ANTXR1: variants seen among roughly 807,000 people sequenced by gnomAD.
The protein encoded by ANTXR1 is ANTXR cell adhesion molecule 1.
In ANTXR1, 19 loss-of-function variants were observed where a neutral mutation model predicts 78.1. That is an observed-to-expected ratio of 0.24 (90% CI 0.17 to 0.36). ANTXR1 has a LOEUF of 0.36. Among genes scored for constraint, ANTXR1 ranks in the 10% least tolerant of loss-of-function variants. The probability of loss-of-function intolerance (pLI) is 1.00; values close to 1 mark genes in which losing one functional copy is unlikely to be tolerated. For missense variants in ANTXR1, 518 were observed against 718.6 expected (o/e 0.72, Z 3.19); for synonymous variants, 273 against 260.5 (o/e 1.05, Z -0.46).
chr2:69,176,273 C>T (rs1034367125), intron 14 of ANTXR1, among the ~76,000 whole-genome samples: 8 of 151,996 alleles, frequency 5.3e-5, no homozygotes, highest in South Asian at 2.1e-4. Flanking sequence ...ACTTTGTTTA[C>T]GTAAACAGAT....
chr2:69,101,333 G>T (rs1420208251), intron 9 of ANTXR1, among the ~76,000 whole-genome samples: 2 of 152,204 alleles, frequency 1.3e-5, no homozygotes, highest in Non-Finnish European at 2.9e-5. Flanking sequence ...TGGTGGTTCA[G>T]AAGCTAATGG....
At chr2:69,116,101 T>A (rs1334420815) in intron 10 of ANTXR1, among the ~76,000 whole-genome samples, 2 of 152,244 alleles carry the variant, frequency 1.3e-5, no homozygotes, top group Admixed American at 6.5e-5. Flanking sequence ...TTTCAAAATC[T>A]CTTTTTCTAG....
Position 69,102,831 on chromosome 2 carries a change from C to A in ANTXR1, c.704-11C>A. On this transcript the variant is annotated splice_polypyrimidine_tract_variant and intron_variant, in intron 9 of 17. Transcript: ENST00000303714. ...CCAAGTAACGAGTCTCGTCATTATT[C>A]TTTATTTCAGAGTCATTTCAAGTTG... 1 of 1,613,452 alleles carries A rather than the reference C, an allele frequency of 6.2e-7. No homozygotes were observed. Among genetic ancestry groups the A allele is most frequent in the Non-Finnish European group, 8.5e-7 (1 of 1,179,574 alleles).
chr2:69,149,156 T>A (rs1196322374), intron 12 of ANTXR1, among the ~76,000 whole-genome samples: 1 of 152,180 alleles, frequency 6.6e-6, no homozygotes, highest in Non-Finnish European at 1.5e-5. Flanking sequence ...CAGAGGAGGA[T>A]AAAGTTCCTC....
At chr2:69,190,469 T>C (rs2104472824) in intron 16 of ANTXR1, among the ~76,000 whole-genome samples, 1 of 152,376 alleles carries the variant, frequency 6.6e-6, no homozygotes, top group African/African-American at 2.4e-5. Flanking sequence ...GCCTCCCAAA[T>C]GATCATTTTA....
intron 13 of ANTXR1, among the ~76,000 whole-genome samples, chr2:69,168,634 G>T (rs1030223142): frequency 6.6e-6 from 1 of 152,096 alleles, no homozygotes; most frequent in South Asian, 2.1e-4. Context: ...TCCAGATCTT[G>T]GTCCCCAGAT....
chr2:69,167,079 T>A (rs578219460), intron 13 of ANTXR1, among the ~76,000 whole-genome samples: 2 of 152,202 alleles, frequency 1.3e-5, no homozygotes, highest in African/African-American at 4.8e-5. Flanking sequence ...GGGCAGAAGA[T>A]ACTGCACTTG....
chr2:69,242,914 G>A (rs138612881), intron 17 of ANTXR1, among the ~76,000 whole-genome samples: 66 of 152,338 alleles, frequency 4.3e-4, no homozygotes, highest in Non-Finnish European at 6.9e-4. Context: ...TTACAAAATC[G>A]GCATCATGCC....
chr2:69,163,667 T>TAA (rs774646192), intron 13 of ANTXR1, among the ~76,000 whole-genome samples: 1 of 152,192 alleles, frequency 6.6e-6, no homozygotes, highest in Non-Finnish European at 1.5e-5. Context: ...AAAAGGTTTT[T>TAA]AATGAGGAAA....
intron 8 of ANTXR1, among the ~76,000 whole-genome samples, chr2:69,087,358 T>C (rs1409703201): frequency 2.0e-5 from 3 of 152,192 alleles, no homozygotes; most frequent in African/African-American, 7.2e-5. Flanking sequence ...GTTATCCCAC[T>C]TTTATAGAGA....
chr2:69,181,938 C>A, intron 15 of ANTXR1, 57 bp downstream of exon 15: 1 of 1,560,868 alleles, frequency 6.4e-7, no homozygotes. Context: ...CATCGAGGTA[C>A]CAGCCGGGCC....
At chr2:69,103,884 G>T (rs13424360) in intron 10 of ANTXR1, 42,038 of 152,058 alleles carry the variant, frequency 0.28, 9,115 homozygotes, top group African/African-American at 0.61. Context: ...GAGGACAGGA[G>T]GACACACATT....
chr2:69,245,363 C>T lies in ANTXR1; in HGVS notation c.1573C>T (p.Pro525Ser), dbSNP rs1414256807. The T allele has an allele frequency of 2.0e-6, 3 of 1,511,826 alleles. No individual in the cohort carries two copies. The highest frequency in any genetic ancestry group is 3.0e-5 in the African/African-American group (2 of 67,074). The allele number at this position is 1,511,826 out of a possible 1,614,324, so 93.7% of individuals were successfully genotyped here. Residue 525 changes from proline (P) to serine (S), a missense_variant, in exon 18 of 18, where the codon CCC (proline) becomes TCC (serine). Physicochemically the swap from Pro to Ser is moderately conservative, Grantham distance 74 (BLOSUM62 -1). This residue lies in a region of ANTXR1 where 192 missense variants were observed against 230.2 expected (regional missense o/e 0.83). Coordinates refer to ENST00000303714, the MANE Select transcript of ANTXR1 (RefSeq NM_032208.3). The part of the protein sequence containing the change: ...PPPAPHCPPP[P>S]PSAPTPPIPS... ...TCCTGCGCCCCACTGCCCTCCCCCG[C>T]CCCCCAGCGCCCCTACCCCTCCCAT...
At chr2:69,066,041 AAAG>A (rs201512528) in intron 3 of ANTXR1, among the ~76,000 whole-genome samples, 162 of 152,382 alleles carry the variant, frequency 1.1e-3, no homozygotes, top group Non-Finnish European at 1.8e-3. Flanking sequence ...AATTCAGAAT[AAAG>A]AAGAAGAAGG....
At chr2:69,215,056 C>T (rs1226717238) in intron 17 of ANTXR1, among the ~76,000 whole-genome samples, 1 of 152,202 alleles carries the variant, frequency 6.6e-6, no homozygotes, top group Non-Finnish European at 1.5e-5. Flanking sequence ...ACTTACAGGA[C>T]GCATGGATGG....
chr2:69,110,705 A>G (rs1006289085), intron 10 of ANTXR1, among the ~76,000 whole-genome samples: 1 of 151,984 alleles, frequency 6.6e-6, no homozygotes, highest in African/African-American at 2.4e-5. Flanking sequence ...CTAAAAATAG[A>G]AAAAAATTCA....
At chr2:69,118,365 A>AG (rs1420155917) in intron 10 of ANTXR1, among the ~76,000 whole-genome samples, 1 of 152,122 alleles carries the variant, frequency 6.6e-6, no homozygotes, top group Non-Finnish European at 1.5e-5. Flanking sequence ...CAGAAGATTG[A>AG]GGCTGCAGTG....
intron 17 of ANTXR1, among the ~76,000 whole-genome samples, chr2:69,229,711 C>A (rs1229823443): frequency 2.0e-5 from 3 of 150,290 alleles, no homozygotes; most frequent in Admixed American, 2.0e-4. Flanking sequence ...CTTTCACTCA[C>A]TCAGCATGAC....
At chr2:69,066,249 C>T (rs1670393794) in intron 3 of ANTXR1, among the ~76,000 whole-genome samples, 1 of 152,050 alleles carries the variant, frequency 6.6e-6, no homozygotes, top group South Asian at 2.1e-4. Flanking sequence ...CTTGTTGAAG[C>T]ACTTCTTGAC....
Sources: allele counts gnomAD v4.1 joint callset (sites outside exome capture counted in the v4.1 genomes callset), GRCh38; gene constraint gnomAD v4.1.1; regional missense constraint gnomAD v4.1.1; transcripts MANE v1.5; gene names NCBI Gene and HGNC (gene_info 2026-07-23, HGNC 2026-07-21).